Variants in BMS1 observed in about 807,000 individuals in gnomAD.
The protein encoded by BMS1 is BMS1 ribosome biogenesis factor.
BMS1 carries 53 observed loss-of-function variants against 138.7 expected under a neutral mutation model. The observed-to-expected ratio is 0.38, with a 90% CI of 0.31 to 0.48. The LOEUF (loss-of-function observed/expected upper bound fraction) is 0.48, where lower values mean the gene tolerates loss of function less well. BMS1 is among the 20% of genes least tolerant of loss of function. BMS1 has a pLI of 0.97. For synonymous variants in BMS1, 504 were observed against 539.9 expected (o/e 0.93, Z 0.92); for missense variants, 1,360 against 1,565.5 (o/e 0.87, Z 2.22).
chr10:42,798,426 G>A, intron 11 of BMS1, 42 bp from the exon 12 acceptor site: 3 of 1,613,018 alleles, frequency 1.9e-6, no homozygotes, highest in Non-Finnish European at 2.5e-6. Context: ...CTCTAGGGCT[G>A]TAATTTTTGT....
intron 13 of BMS1, among the ~76,000 whole-genome samples, chr10:42,804,733 T>TAA (rs1457754669): frequency 6.6e-6 from 1 of 151,348 alleles, no homozygotes; most frequent in African/African-American, 2.4e-5. Flanking sequence ...AAAAAAAATT[T>TAA]TTTTTTTTTT....
At chr10:42,794,105 T>G in intron 9 of BMS1, 114 bp downstream of exon 9, 3 of 1,272,276 alleles carry the variant, frequency 2.4e-6, no homozygotes, top group Non-Finnish European at 3.3e-6. Flanking sequence ...GTTGTTTTGT[T>G]TTTCTTTGTG....
At chr10:42,810,323 G>A (rs1011425821) in intron 13 of BMS1, among the ~76,000 whole-genome samples, 4 of 152,148 alleles carry the variant, frequency 2.6e-5, no homozygotes, top group East Asian at 1.9e-4. Flanking sequence ...TATGAACTAC[G>A]AAAAGATCAC....
chr10:42,790,583 G>C, intron 5 of BMS1, 72 bp downstream of exon 5: 2 of 1,497,230 alleles, frequency 1.3e-6, no homozygotes, highest in Non-Finnish European at 1.8e-6. Flanking sequence ...GCCGGGTGCA[G>C]TGGCTAACAC....
rs572442415 is a variant in BMS1, at chr10:42,825,282, C to G, written c.3456+1498C>G. Among the ~76,000 whole-genome samples the G allele has an allele frequency of 1.9e-3, 284 of 152,338 alleles. 1 individual carries two copies. The highest frequency in any genetic ancestry group is 6.7e-3 in the African/African-American group (278 of 41,576). On this transcript the variant is annotated intron_variant, in intron 21 of 22. Transcript: ENST00000374518. ...GTGGTCTCTCAAAGTGCTGGAATTACAGGCATGAGCCACTGCGCCTGGCCA... is the reference window on the plus strand; with the variant it reads ...GTGGTCTCTCAAAGTGCTGGAATTAGAGGCATGAGCCACTGCGCCTGGCCA...
rs796420339 is a variant in BMS1, at chr10:42,832,879, T to A, written c.*1783T>A. 1 of 152,212 alleles carries A rather than the reference T, an allele frequency of 6.6e-6. No homozygotes were observed. The highest frequency in any genetic ancestry group is 2.1e-4 in the South Asian group (1 of 4,830). The allele number at this position is 152,212 out of a possible 1,614,324, so 9.4% of individuals were successfully genotyped here. ...GCCCATAACAATTATAATTTAAAAC[T>A]AATTTGTTATATAGCATAATTGATA... On this transcript the variant is annotated 3_prime_UTR_variant, in exon 23 of 23. Coordinates refer to ENST00000374518, the MANE Select transcript of BMS1 (RefSeq NM_014753.4).
At chr10:42,815,440 T>A (rs1468856481) in intron 13 of BMS1, among the ~76,000 whole-genome samples, 1 of 152,262 alleles carries the variant, frequency 6.6e-6, no homozygotes, top group Non-Finnish European at 1.5e-5. Context: ...TTTTTGCTTT[T>A]ATTACAAATA....
chr10:42,792,951 T>C lies in BMS1; in HGVS notation c.902-6T>C. 1 of 1,608,056 alleles carries C rather than the reference T, an allele frequency of 6.2e-7. No individual in the cohort carries two copies. Among genetic ancestry groups the C allele is most frequent in the South Asian group, 1.1e-5 (1 of 90,042 alleles). On this transcript the variant is annotated splice_region_variant and splice_polypyrimidine_tract_variant and intron_variant, in intron 7 of 22. Transcript: ENST00000374518. The stretch of plus-strand genomic sequence containing the variant: ...CTGAAGCTGGCTTTTGGGTTCTGTC[T>C]TCCAGGGGTAGGAGATTTTGCCGTG...
chr10:42,786,996 T>A (rs1228689802), intron 3 of BMS1, among the ~76,000 whole-genome samples, 172 bp from the exon 4 acceptor site: 1 of 152,230 alleles, frequency 6.6e-6, no homozygotes, highest in Middle Eastern at 3.2e-3. Flanking sequence ...AAAAACAGAA[T>A]GGAATTTATT....
chr10:42,831,053 A>G lies in BMS1; in HGVS notation c.3806A>G (p.Asn1269Ser). 6.3e-7 allele frequency: 1 copy of G among 1,581,494 alleles called. No homozygotes were observed. The highest frequency in any genetic ancestry group is 8.6e-7 in the Non-Finnish European group (1 of 1,162,290). Residue 1269 changes from asparagine (N) to serine (S), a missense_variant, in exon 23 of 23, where the codon AAC (asparagine) becomes AGC (serine). Physicochemically the swap from Asn to Ser is conservative, Grantham distance 46. This residue lies in a region of BMS1 where 425 missense variants were observed against 568.3 expected (regional missense o/e 0.75). Transcript: ENST00000374518. ...FRIQGQKERR[N>S]QKSSLKGAEG... is the part of the protein sequence containing the mutation. ...ATTCAGGGGCAGAAGGAAAGAAGAA[A>G]CCAGAAGTCCAGTTTGAAGGGGGCT...
rs1841562755 is a variant in BMS1 at position 42,793,046 on chromosome 10, A to T, written c.991A>T (p.Lys331Ter). 5.6e-6 allele frequency: 9 copies of T among 1,613,494 alleles called. No individual in the cohort carries two copies. Among genetic ancestry groups the T allele is most frequent in the Non-Finnish European group, 6.8e-6 (8 of 1,179,934 alleles). ...ACAAAAGAAGCGCTGTTTAAATGAGAAGGAGAAGCTGGTTTATGCGCCTCT... is the reference window on the plus strand; with the variant it reads ...ACAAAAGAAGCGCTGTTTAAATGAGTAGGAGAAGCTGGTTTATGCGCCTCT... ...EQQKKRCLNEKEKLVYAPLSG... is the reference protein window; with the variant it reads ...EQQKKRCLNE The change falls in exon 8 of 23, where the codon AAG (lysine) becomes TAG (stop). Residue 331 changes from lysine to a stop codon, truncating the protein, a stop_gained. Coordinates refer to ENST00000374518, the MANE Select transcript of BMS1 (RefSeq NM_014753.4). LOFTEE classifies it high-confidence loss of function.
At chr10:42,811,734 C>A (rs574669922) in intron 13 of BMS1, among the ~76,000 whole-genome samples, 1 of 150,308 alleles carries the variant, frequency 6.7e-6, no homozygotes, top group Non-Finnish European at 1.5e-5. Flanking sequence ...CCGTTTTAGC[C>A]GGGATGGTCT....
At chr10:42,800,476 T>C (rs1841835979) in intron 12 of BMS1, among the ~76,000 whole-genome samples, 1 of 152,150 alleles carries the variant, frequency 6.6e-6, no homozygotes, top group South Asian at 2.1e-4. Context: ...GAGAAACTTT[T>C]CCTCTTCTAT....
intron 6 of BMS1, among the ~76,000 whole-genome samples, chr10:42,791,988 G>A (rs1366945059): frequency 6.6e-6 from 1 of 152,204 alleles, no homozygotes; most frequent in Non-Finnish European, 1.5e-5. Context: ...GAACTTGGAA[G>A]TATTTAAGGC....
At chr10:42,824,506 G>A (rs922541702) in intron 21 of BMS1, among the ~76,000 whole-genome samples, 2 of 152,118 alleles carry the variant, frequency 1.3e-5, no homozygotes, top group African/African-American at 4.8e-5. Context: ...CCTTGTTTAT[G>A]TTTACATTTG....
chr10:42,827,715 T>C (rs1842689245), intron 21 of BMS1, among the ~76,000 whole-genome samples: 1 of 152,170 alleles, frequency 6.6e-6, no homozygotes, highest in Non-Finnish European at 1.5e-5. Context: ...CCTAGTTTTC[T>C]GTGCTCTACT....
At chr10:42,826,236 GTT>G (rs375227334) in intron 21 of BMS1, among the ~76,000 whole-genome samples, 11 of 98,518 alleles carry the variant, frequency 1.1e-4, no homozygotes, top group South Asian at 8.3e-4. Flanking sequence ...GTTTTTGTTT[GTT>G]GTGTGTGTGT....
chr10:42,797,312 T>C, intron 10 of BMS1, 81 bp downstream of exon 10: 1 of 1,575,936 alleles, frequency 6.3e-7, no homozygotes, highest in East Asian at 2.3e-5. Flanking sequence ...TTTAGGGGTC[T>C]GTTGATTCTG....
At chr10:42,817,533 T>A (rs1372011397) in intron 15 of BMS1, 39 bp downstream of exon 15, 2 of 1,562,020 alleles carry the variant, frequency 1.3e-6, no homozygotes, top group East Asian at 4.5e-5. Context: ...TTGTCAAGAC[T>A]ATCATATAGC....
Sources: allele counts gnomAD v4.1 joint callset (sites outside exome capture counted in the v4.1 genomes callset), GRCh38; gene constraint gnomAD v4.1.1; regional missense constraint gnomAD v4.1.1; transcripts MANE v1.5; gene names NCBI Gene and HGNC (gene_info 2026-07-23, HGNC 2026-07-21).